The following EEFSEC variants were observed in gnomAD, a reference collection of about 807,000 sequenced individuals.
EEFSEC encodes the protein selenocysteine-specific elongation factor.
Under a neutral mutation model 42.1 loss-of-function variants are expected in EEFSEC, and 43 were observed. That is an observed-to-expected ratio of 1.02 (90% CI 0.80 to 1.32). The LOEUF (loss-of-function observed/expected upper bound fraction) is 1.32. Among genes scored for constraint, EEFSEC ranks in the 40% most tolerant of loss-of-function variants. The pLI is 0.00. For synonymous variants in EEFSEC, 354 were observed against 339.1 expected, an observed-to-expected ratio of 1.04 and a Z score of -0.48; for missense variants, 745 against 803.6, an observed-to-expected ratio of 0.93 and a Z score of 0.88.
At chr3:128,327,452 C>T (rs2067077402) in intron 4 of EEFSEC, among the ~76,000 whole-genome samples, 1 of 152,180 alleles carries the variant, frequency 6.6e-6, no homozygotes, top group South Asian at 2.1e-4. Context: ...ATACTTTATA[C>T]ATCTGTCTCC....
At chr3:128,374,401 A>G (rs2067687717) in intron 6 of EEFSEC, among the ~76,000 whole-genome samples, 1 of 152,094 alleles carries the variant, frequency 6.6e-6, no homozygotes, top group Non-Finnish European at 1.5e-5. Flanking sequence ...TTTCGTTATT[A>G]TGGCCAACAT....
Position 128,246,871 on chromosome 3 carries a change from G to A in EEFSEC, c.352G>A (p.Asp118Asn), listed in dbSNP as rs759054146. 10 of 1,613,972 alleles carry A rather than the reference G, an allele frequency of 6.2e-6. No individual in the cohort carries two copies. Among genetic ancestry groups the A allele is most frequent in the East Asian group, 2.2e-5 (1 of 44,896 alleles). ...CATTGATCTGATGATGCTGGTCATC[G>A]ATGTGACCAAGGGGATGCAGACCCA... is the stretch of plus-strand genomic sequence containing the variant. ...QIIDLMMLVI[D>N]VTKGMQTQSA... The change falls in exon 2 of 7, where the codon GAT (aspartate) becomes AAT (asparagine). Residue 118 changes from aspartate (D) to asparagine (N), a missense_variant. Coordinates refer to ENST00000254730, the MANE Select transcript of EEFSEC (RefSeq NM_021937.5).
chr3:128,218,021 T>C (rs556029221), intron 1 of EEFSEC, among the ~76,000 whole-genome samples: 4 of 152,212 alleles, frequency 2.6e-5, no homozygotes, highest in African/African-American at 7.2e-5. Flanking sequence ...AGAGTGTGTG[T>C]TGGAATCCAA....
chr3:128,370,240 A>G (rs1480320443), intron 6 of EEFSEC, among the ~76,000 whole-genome samples: 1 of 152,166 alleles, frequency 6.6e-6, no homozygotes, highest in African/African-American at 2.4e-5. Flanking sequence ...AGTGTGTCCT[A>G]TCCGGATGTC....
chr3:128,423,412 G>A, the EEFSEC span, among the ~76,000 whole-genome samples: 3 of 152,268 alleles, frequency 2.0e-5, no homozygotes, highest in South Asian at 6.2e-4. Flanking sequence ...CCAGGAGCCA[G>A]AGGCCCCAGT....
chr3:128,394,745 G>A (rs779234331), intron 6 of EEFSEC, among the ~76,000 whole-genome samples: 14 of 152,142 alleles, frequency 9.2e-5, no homozygotes, highest in Non-Finnish European at 1.8e-4. Flanking sequence ...GAGGAGGGCC[G>A]CCTGCAGGAG....
chr3:128,382,156 A>G (rs2067783934), intron 6 of EEFSEC, among the ~76,000 whole-genome samples: 1 of 152,220 alleles, frequency 6.6e-6, no homozygotes, highest in Non-Finnish European at 1.5e-5. Context: ...ACTGCCCATC[A>G]TGACCTCTCT....
At chr3:128,153,885 G>T (rs1328059271) in intron 1 of EEFSEC, 62 bp downstream of exon 1, 16 of 1,438,062 alleles carry the variant, frequency 1.1e-5, no homozygotes, top group South Asian at 1.5e-5. Context: ...CGGGCCCCGT[G>T]TCCGAATTCG....
intron 2 of EEFSEC, among the ~76,000 whole-genome samples, chr3:128,254,224 G>A (rs2107913497): frequency 6.6e-6 from 1 of 152,302 alleles, no homozygotes; most frequent in South Asian, 2.1e-4. Flanking sequence ...CTTCTGGCTG[G>A]GGAGTCAGGA....
intron 6 of EEFSEC, among the ~76,000 whole-genome samples, chr3:128,399,129 G>A (rs1311235101): frequency 6.6e-6 from 1 of 151,848 alleles, no homozygotes; most frequent in Admixed American, 6.6e-5. Flanking sequence ...CCTTCCATCC[G>A]CATAATGCAC....
intron 1 of EEFSEC, among the ~76,000 whole-genome samples, chr3:128,223,227 C>G (rs2065877742): frequency 6.6e-6 from 1 of 152,234 alleles, no homozygotes; most frequent in South Asian, 2.1e-4. Context: ...CACCAAAGCT[C>G]TGAATCTAGG....
At chr3:128,155,783 A>G (rs528630736) in intron 1 of EEFSEC, among the ~76,000 whole-genome samples, 2 of 152,276 alleles carry the variant, frequency 1.3e-5, no homozygotes, top group African/African-American at 2.4e-5. Flanking sequence ...TTACCTCCCA[A>G]CTGTTTCATG....
Position 128,262,243 on chromosome 3 carries a change from C to T in EEFSEC, c.621+19C>T. 6.2e-7 allele frequency: 1 copy of T among 1,612,588 alleles called. No individual in the cohort carries two copies. Among genetic ancestry groups the T allele is most frequent in the Non-Finnish European group, 8.5e-7 (1 of 1,178,648 alleles). On this transcript the variant is annotated intron_variant, in intron 3 of 6. Transcript: ENST00000254730. ...CATTGAGGTACTGTCATCTTGAATCCAGGTTGCCCTTTAGCCCCAGCGCTG... is the reference window on the plus strand; with the variant it reads ...CATTGAGGTACTGTCATCTTGAATCTAGGTTGCCCTTTAGCCCCAGCGCTG...
chr3:128,169,795 A>C (rs958115939), intron 1 of EEFSEC, among the ~76,000 whole-genome samples: 2 of 152,198 alleles, frequency 1.3e-5, no homozygotes, highest in African/African-American at 4.8e-5. Flanking sequence ...AGTATCTAAC[A>C]TCATAGAATT....
At chr3:128,212,346 C>T (rs1017024693) in intron 1 of EEFSEC, among the ~76,000 whole-genome samples, 2 of 152,206 alleles carry the variant, frequency 1.3e-5, no homozygotes, top group African/African-American at 2.4e-5. Flanking sequence ...CCAGAGTGAA[C>T]TTCATGTGTT....
intron 6 of EEFSEC, among the ~76,000 whole-genome samples, chr3:128,401,339 C>CG (rs2068046010): frequency 6.6e-6 from 1 of 152,234 alleles, no homozygotes; most frequent in African/African-American, 2.4e-5. Context: ...CATACTCATT[C>CG]CCTTTGTTTT....
At chr3:128,309,786 C>A (rs201546730) in intron 4 of EEFSEC, among the ~76,000 whole-genome samples, 1 of 152,164 alleles carries the variant, frequency 6.6e-6, no homozygotes, top group East Asian at 1.9e-4. Context: ...TCAAGAAGGG[C>A]AGAGGTGCTT....
intron 4 of EEFSEC, among the ~76,000 whole-genome samples, chr3:128,296,202 C>G (rs1455595547): frequency 6.6e-6 from 1 of 152,158 alleles, no homozygotes; most frequent in African/African-American, 2.4e-5. Flanking sequence ...TTGGAATACC[C>G]TAAAAGCTCT....
At chr3:128,408,002 C>A in intron 6 of EEFSEC, 67 bp from the exon 7 acceptor site, 2 of 1,426,220 alleles carry the variant, frequency 1.4e-6, no homozygotes, top group Non-Finnish European at 9.3e-7. Context: ...GCAGCAGGTG[C>A]GCGGGCAGGG....
Sources: gnomAD v4.1 joint callset for allele counts (sites outside exome capture counted in the v4.1 genomes callset) on GRCh38, gnomAD v4.1.1 for gene constraint, MANE v1.5 for transcripts, NCBI Gene and HGNC (gene_info 2026-07-23, HGNC 2026-07-21) for gene names.